FMN1: variants seen among roughly 807,000 people sequenced by gnomAD.
FMN1 encodes the protein formin 1.
A neutral mutation model predicts 132.4 loss-of-function variants in FMN1; 110 were observed. That is an observed-to-expected ratio of 0.83 (90% CI 0.71 to 0.97). The LOEUF is 0.97. Among genes scored for constraint, FMN1 ranks in the 50% least tolerant of loss-of-function variants. The pLI, the probability that FMN1 is intolerant of heterozygous loss-of-function variation, is 0.00. For missense variants in FMN1, 1,792 were observed against 1,705.3 expected (o/e 1.05, Z -0.90); for synonymous variants, 722 against 651.7 (o/e 1.11, Z -1.64).
intron 17 of FMN1, among the ~76,000 whole-genome samples, chr15:32,829,717 T>A (rs1452210431): frequency 2.6e-5 from 4 of 152,168 alleles, no homozygotes; most frequent in Admixed American, 2.6e-4. Context: ...CTCCTGCCAA[T>A]CCATGTAAAT....
intron 9 of FMN1, among the ~76,000 whole-genome samples, chr15:32,935,730 C>T (rs1272558507): frequency 6.6e-6 from 1 of 151,920 alleles, no homozygotes; most frequent in Non-Finnish European, 1.5e-5. Flanking sequence ...CAGATTCAAG[C>T]GATTCGCCTG....
chr15:33,041,951 C>A (rs959211108), intron 6 of FMN1, among the ~76,000 whole-genome samples: 1 of 151,626 alleles, frequency 6.6e-6, no homozygotes, highest in African/African-American at 2.4e-5. Context: ...AATTTTAAAT[C>A]ATTAAGATAG....
In FMN1 at chr15:33,005,184, T is replaced by TATA. The variant is rs539333745; in HGVS notation, c.2223+2827_2223+2829dup. Among the ~76,000 whole-genome samples, 174 of 150,974 alleles carry TATA rather than the reference T, an allele frequency of 1.2e-3. 1 individual carries two copies. Among genetic ancestry groups the TATA allele is most frequent in the African/African-American group, 3.8e-3 (155 of 40,792 alleles). ...TGCATATGTACCCTAAAACTTAAAG[T>TATA]ATAATAATAATATTAAAAAAAAAAA... On this transcript the variant is annotated intron_variant, in intron 7 of 20. Coordinates refer to ENST00000616417, the MANE Select transcript of FMN1 (RefSeq NM_001277313.2).
chr15:32,981,030 C>T (rs1052612428), intron 7 of FMN1, among the ~76,000 whole-genome samples: 1 of 151,862 alleles, frequency 6.6e-6, no homozygotes, highest in Non-Finnish European at 1.5e-5. Flanking sequence ...GAATGAAATA[C>T]ATTTCTTATA....
chr15:32,910,656 T>C, intron 10 of FMN1, 121 bp from the exon 11 acceptor site: 1 of 734,196 alleles, frequency 1.4e-6, no homozygotes, highest in Non-Finnish European at 2.4e-6. Flanking sequence ...ACACAAGCTG[T>C]GCCTCTCTGC....
intron 18 of FMN1, among the ~76,000 whole-genome samples, chr15:32,802,628 C>T (rs907618872): frequency 6.6e-6 from 1 of 152,234 alleles, no homozygotes; most frequent in African/African-American, 2.4e-5. Flanking sequence ...CTCCCCTCCA[C>T]AGAGCTAATG....
chr15:32,884,477 T>C (rs1039846618), intron 16 of FMN1, among the ~76,000 whole-genome samples: 1 of 152,200 alleles, frequency 6.6e-6, no homozygotes. Context: ...GTGATTAGAT[T>C]AGGCCCACTT....
At chr15:32,962,443 A>C (rs925781084) in intron 9 of FMN1, among the ~76,000 whole-genome samples, 1 of 152,012 alleles carries the variant, frequency 6.6e-6, no homozygotes, top group Non-Finnish European at 1.5e-5. Flanking sequence ...CAACGACTTC[A>C]TGTCTAAAAC....
chr15:32,936,121 T>C (rs946829386), intron 9 of FMN1, among the ~76,000 whole-genome samples: 3 of 152,216 alleles, frequency 2.0e-5, no homozygotes, highest in African/African-American at 7.2e-5. Context: ...GTTGATACTG[T>C]CATTTTGTTC....
intron 10 of FMN1, among the ~76,000 whole-genome samples, chr15:32,923,587 C>T (rs1461736138): frequency 6.6e-6 from 1 of 152,210 alleles, no homozygotes; most frequent in African/African-American, 2.4e-5. Flanking sequence ...TGTGATGCTA[C>T]AGTCAACATT....
Position 33,178,351 on chromosome 15 carries a change from C to T in FMN1, c.-132+1847G>A, listed in dbSNP as rs575254847. Among the ~76,000 whole-genome samples the T allele has an allele frequency of 7.2e-5, 11 of 152,230 alleles. No individual in the cohort carries two copies. The South Asian group carries it at 1.2e-3, about 17-fold the overall frequency. On this transcript the variant is annotated intron_variant, in intron 3 of 20. Transcript: ENST00000616417. The stretch of plus-strand genomic sequence containing the variant: ...GGTGCCTTTAATCACTCCCTCCTGG[C>T]CTGTGTATAAAGGCAAAAATTTTCA...
intron 15 of FMN1, among the ~76,000 whole-genome samples, chr15:32,893,145 A>C (rs971281134): frequency 6.6e-6 from 1 of 152,230 alleles, no homozygotes; most frequent in African/African-American, 2.4e-5. Flanking sequence ...AGGATACAGT[A>C]GTTTTCTTCA....
At chr15:32,873,806 T>C (rs1224388586) in intron 16 of FMN1, among the ~76,000 whole-genome samples, 2 of 152,064 alleles carry the variant, frequency 1.3e-5, no homozygotes, top group Non-Finnish European at 2.9e-5. Context: ...TGATAAAACT[T>C]AAAGTCATGG....
intron 9 of FMN1, among the ~76,000 whole-genome samples, chr15:32,958,084 A>G (rs144617756): frequency 3.3e-5 from 5 of 152,218 alleles, no homozygotes; most frequent in African/African-American, 1.2e-4. Context: ...CACCAGCTCC[A>G]AATCTATATA....
chr15:33,152,948 TG>T, intron 4 of FMN1, 99 bp downstream of exon 4: 5 of 1,192,258 alleles, frequency 4.2e-6, no homozygotes, highest in Non-Finnish European at 5.7e-6. Flanking sequence ...CTAGGAATTT[TG>T]GTCCATTGTT....
intron 5 of FMN1, among the ~76,000 whole-genome samples, chr15:33,080,383 T>C (rs1400448092): frequency 6.6e-6 from 1 of 152,204 alleles, no homozygotes; most frequent in East Asian, 1.9e-4. Context: ...TTTTATTCTT[T>C]TTTTCTTTTT....
chr15:33,086,925 C>G (rs1375287958), intron 5 of FMN1, among the ~76,000 whole-genome samples: 1 of 152,230 alleles, frequency 6.6e-6, no homozygotes, highest in African/African-American at 2.4e-5. Flanking sequence ...TTCTCCTGCT[C>G]TTTGATTGCC....
At chr15:32,974,671 G>A (rs1162381716) in intron 7 of FMN1, among the ~76,000 whole-genome samples, 1 of 152,200 alleles carries the variant, frequency 6.6e-6, no homozygotes, top group Non-Finnish European at 1.5e-5. Context: ...TTAAAGCACT[G>A]CAAGAGATTC....
chr15:32,817,800 C>T (rs1176918882), intron 17 of FMN1, among the ~76,000 whole-genome samples: 1 of 152,166 alleles, frequency 6.6e-6, no homozygotes, highest in Non-Finnish European at 1.5e-5. Flanking sequence ...AGGTGGAATC[C>T]TCCAGAGTCA....
Sources: allele counts gnomAD v4.1 joint callset (sites outside exome capture counted in the v4.1 genomes callset), GRCh38; gene constraint gnomAD v4.1.1; transcripts MANE v1.5; gene names NCBI Gene and HGNC (gene_info 2026-07-23, HGNC 2026-07-21).